NDRG4: variants seen among roughly 807,000 people sequenced by gnomAD.
NDRG4 encodes the protein protein NDRG4.
A neutral mutation model predicts 55.8 loss-of-function variants in NDRG4; 38 were observed. The observed-to-expected ratio is 0.68, with a 90% CI of 0.53 to 0.89. NDRG4 has a LOEUF of 0.89. NDRG4 is among the 40% of genes least tolerant of loss of function. NDRG4 has a pLI of 0.00. For synonymous variants in NDRG4, 190 were observed against 182.7 expected (o/e 1.04, Z -0.32); for missense variants, 455 against 468.6 (o/e 0.97, Z 0.27).
intron 2 of NDRG4, among the ~76,000 whole-genome samples, chr16:58,491,524 G>A (rs1013617722): frequency 6.6e-6 from 1 of 151,168 alleles, no homozygotes; most frequent in East Asian, 1.9e-4. Context: ...GCAATGGCGC[G>A]ATCTCAGCTC....
chr16:58,487,628 C>A, intron 1 of NDRG4: 1 of 650,820 alleles, frequency 1.5e-6, no homozygotes, highest in Non-Finnish European at 2.5e-6. Flanking sequence ...CCTGAGTGGG[C>A]TGCGCTTGGG....
At chr16:58,500,514 T>A in intron 1 of NDRG4, 2 of 318,934 alleles carry the variant, frequency 6.3e-6, no homozygotes, top group Non-Finnish European at 6.0e-6. Context: ...GAGCGTGTGG[T>A]TGGGGGGTGG....
intron 1 of NDRG4, chr16:58,503,583 GA>G: frequency 2.2e-6 from 2 of 898,448 alleles, no homozygotes; most frequent in Non-Finnish European, 3.5e-6. Context: ...TCCCCATGCA[GA>G]TCAGTTCACA....
intron 1 of NDRG4, among the ~76,000 whole-genome samples, chr16:58,484,568 A>C (rs1462938851): frequency 6.6e-6 from 1 of 152,162 alleles, no homozygotes; most frequent in Non-Finnish European, 1.5e-5. Context: ...AAGCATTTGG[A>C]TTTATCCCAG....
At chr16:58,503,620 G>C in intron 1 of NDRG4, 178 bp from the exon 2 acceptor site, 1 of 1,245,480 alleles carries the variant, frequency 8.0e-7, no homozygotes, top group Non-Finnish European at 1.1e-6. Context: ...ACAGCCCTGA[G>C]AAGGGGTGTT....
intron 2 of NDRG4, among the ~76,000 whole-genome samples, chr16:58,488,651 C>T (rs1050931953): frequency 1.3e-5 from 2 of 151,954 alleles, no homozygotes; most frequent in Admixed American, 6.6e-5. Context: ...GCCCTGCCTC[C>T]CCAGCCTCCC....
At position 58,507,994 on chromosome 16, in the gene NDRG4, G is replaced by C; in HGVS notation, c.724G>C (p.Gly242Arg). ...VVGDNAPAED[G>R]VVECNSKLDP... ...TGGGGATAATGCACCCGCTGAGGAC[G>C]GGGTGGTAAGTGAGGGGCTGTGGGC... Residue 242 changes from glycine to arginine, a missense_variant, in exon 10 of 15, where the codon GGG (glycine) becomes CGG (arginine). Physicochemically the swap from Gly to Arg is moderately radical, Grantham distance 125 (BLOSUM62 -2). Coordinates refer to ENST00000570248, the MANE Select transcript of NDRG4 (RefSeq NM_001242835.2). 3 of 1,569,816 alleles carry C rather than the reference G, an allele frequency of 1.9e-6. No individual in the cohort carries two copies. Among genetic ancestry groups the C allele is most frequent in the South Asian group, 1.2e-5 (1 of 83,226 alleles).
rs113058398 is a variant in NDRG4 at position 58,511,630 on chromosome 16, G to A, written c.*54G>A. On this transcript the variant is annotated 3_prime_UTR_variant, in exon 15 of 15. Transcript: ENST00000570248. ...GTCGAGGCCCCACCGCCATCCTTGC[G>A]CCGGCTCATGTTCCCTTTAGTTTAT... 283 of 1,607,502 alleles carry A rather than the reference G, an allele frequency of 1.8e-4. 1 individual carries two copies. The highest frequency in any genetic ancestry group is 2.2e-4 in the South Asian group (20 of 90,884).
At chr16:58,476,466 T>A (rs1416308181) in intron 1 of NDRG4, among the ~76,000 whole-genome samples, 1 of 152,248 alleles carries the variant, frequency 6.6e-6, no homozygotes, top group African/African-American at 2.4e-5. Context: ...GTTGGTGCTG[T>A]ACATCACCTT....
chr16:58,509,108 C>G, intron 11 of NDRG4, 46 bp from the exon 12 acceptor site: 1 of 1,613,990 alleles, frequency 6.2e-7, no homozygotes. Flanking sequence ...GGAGCTTGTC[C>G]TGGAGTGAGG....
chr16:58,465,009 G>C (rs977760331), intron 1 of NDRG4: 2 of 1,236,906 alleles, frequency 1.6e-6, no homozygotes, highest in African/African-American at 3.1e-5. Flanking sequence ...CAGTTGCCCT[G>C]CTGGAAACTC....
chr16:58,508,693 G>T (rs2038374304), intron 10 of NDRG4, among the ~76,000 whole-genome samples: 1 of 152,174 alleles, frequency 6.6e-6, no homozygotes, highest in Admixed American at 6.5e-5. Flanking sequence ...CACCACGGCA[G>T]CCCAGCCCTC....
At chr16:58,488,926 C>T (rs1451071459) in intron 2 of NDRG4, among the ~76,000 whole-genome samples, 2 of 152,198 alleles carry the variant, frequency 1.3e-5, no homozygotes, top group Admixed American at 1.3e-4. Flanking sequence ...TCTGAGCCTC[C>T]ATCAGCTGCT....
upstream of NDRG4, among the ~76,000 whole-genome samples, chr16:58,498,822 G>A (rs958285277): frequency 4.1e-4 from 62 of 152,084 alleles, no homozygotes; most frequent in Non-Finnish European, 1.2e-4. Flanking sequence ...AGACAAGGCA[G>A]GGTCAGGTCT....
In NDRG4 at chr16:58,500,252, C is replaced by A; in HGVS notation, c.4C>A (p.Pro2Thr). Residue 2 changes from proline to threonine, a missense_variant, in exon 1 of 15, where the codon CCG becomes ACG. Transcript: ENST00000570248. Reference sequence around the variant, plus strand: ...GCGGGTTCCCTCCCTCGGCAAGATGCCGGAGTGCTGGGATGGGGTGAGTGA... The same window carrying A: ...GCGGGTTCCCTCCCTCGGCAAGATGACGGAGTGCTGGGATGGGGTGAGTGA... M[P>T]ECWDGEHDIE... 6.5e-7 allele frequency: 1 copy of A among 1,535,990 alleles called. No individual in the cohort carries two copies. The highest frequency in any genetic ancestry group is 8.7e-7 in the Non-Finnish European group (1 of 1,146,880).
At chr16:58,495,661 G>A (rs1001192352), upstream of NDRG4, 17 of 152,888 alleles carry the variant, frequency 1.1e-4, no homozygotes, top group African/African-American at 4.1e-4. Flanking sequence ...TGGATGCAGG[G>A]GTGACACGGA....
upstream of NDRG4, chr16:58,500,036 T>TCCTCCCC: frequency 7.3e-7 from 1 of 1,364,432 alleles, no homozygotes; most frequent in Non-Finnish European, 9.7e-7. Flanking sequence ...ATATGGGAGC[T>TCCTCCCC]GGGGCTCCTG....
Position 58,504,259 on chromosome 16 carries a change from C to T in NDRG4, c.233C>T (p.Ser78Leu), listed in dbSNP as rs746551027. 35 of 1,614,032 alleles carry T rather than the reference C, an allele frequency of 2.2e-5. No homozygotes were observed. The highest frequency in any genetic ancestry group is 3.3e-4 in the Middle Eastern group (2 of 6,084). Residue 78 changes from serine to leucine, a missense_variant, in exon 3 of 15, where the codon TCG (serine) becomes TTG (leucine). By Grantham distance (145) the Ser-to-Leu change is moderately radical (BLOSUM62 -2). Coordinates refer to ENST00000570248, the MANE Select transcript of NDRG4 (RefSeq NM_001242835.2). The part of the protein sequence containing the change: ...VDAPGQQVGA[S>L]QFPQGYQFPS... The stretch of plus-strand genomic sequence containing the variant: ...GCCCCTGGACAACAGGTGGGGGCGT[C>T]GCAGTTTCCTCAGGGGTAGGTACCC...
chr16:58,507,415 G>A (rs560054404), intron 8 of NDRG4: 2 of 354,822 alleles, frequency 5.6e-6, no homozygotes, highest in East Asian at 9.8e-5. Context: ...GCAGGAAGGT[G>A]GCCAGGCCCC....
Sources: allele counts gnomAD v4.1 joint callset (sites outside exome capture counted in the v4.1 genomes callset), GRCh38; gene constraint gnomAD v4.1.1; transcripts MANE v1.5; gene names NCBI Gene and HGNC (gene_info 2026-07-23, HGNC 2026-07-21).